SOX5: variants seen among roughly 807,000 people sequenced by gnomAD.
SOX5 encodes the protein transcription factor SOX-5.
Under a neutral mutation model 92.0 loss-of-function variants are expected in SOX5, and 9 were observed. The ratio of observed to expected loss-of-function variants is 0.10; its 90% CI spans 0.06 to 0.17. The LOEUF is 0.17. Ranked by LOEUF, SOX5 falls within the 10% of genes least tolerant of loss-of-function variation. The pLI is 1.00. For missense variants in SOX5, 642 were observed against 944.5 expected, an observed-to-expected ratio of 0.68 and a Z score of 4.20; for synonymous variants, 344 against 336.3, an observed-to-expected ratio of 1.02 and a Z score of -0.25.
intron 1 of SOX5, among the ~76,000 whole-genome samples, chr12:24,542,223 C>T (rs998312896): frequency 6.6e-6 from 1 of 152,138 alleles, no homozygotes; most frequent in Non-Finnish European, 1.5e-5. Flanking sequence ...CCTTAACAGT[C>T]CAAGCTTTAG....
chr12:23,950,862 C>A, upstream of SOX5: 1 of 1,535,112 alleles, frequency 6.5e-7, no homozygotes, highest in Non-Finnish European at 8.7e-7. Context: ...GAGAGAGAGA[C>A]ACTTACACAG....
chr12:23,886,047 C>T (rs939343152), intron 2 of SOX5, among the ~76,000 whole-genome samples: 15 of 152,082 alleles, frequency 9.9e-5, no homozygotes, highest in Non-Finnish European at 2.9e-5. Context: ...TAATGTACCA[C>T]CAATAGTGTC....
intron 1 of SOX5, among the ~76,000 whole-genome samples, chr12:24,469,508 C>T (rs1252212845): frequency 3.3e-5 from 5 of 152,162 alleles, no homozygotes; most frequent in East Asian, 1.9e-4. Context: ...TCTATATTCA[C>T]GACTTCCTAA....
At chr12:24,256,572 T>G (rs1453132119) in intron 3 of SOX5, among the ~76,000 whole-genome samples, 3 of 151,462 alleles carry the variant, frequency 2.0e-5, no homozygotes, top group Non-Finnish European at 4.4e-5. Context: ...CTATTAAGTT[T>G]TAAGTTACAC....
intron 9 of SOX5, among the ~76,000 whole-genome samples, chr12:23,577,371 T>C (rs1176556451): frequency 6.6e-6 from 1 of 151,412 alleles, no homozygotes. Flanking sequence ...GGCTAATTTT[T>C]GTATTTTTAG....
At chr12:24,382,454 T>C (rs1957928307) in intron 1 of SOX5, among the ~76,000 whole-genome samples, 1 of 150,870 alleles carries the variant, frequency 6.6e-6, no homozygotes, top group Non-Finnish European at 1.5e-5. Context: ...TGGAGGAAAA[T>C]GGCGGAAGGG....
At position 23,724,906 on chromosome 12, in the gene SOX5, G is replaced by A. The variant is rs180781415; in HGVS notation, c.810+9778C>T. Among the ~76,000 whole-genome samples, 22 of 152,278 alleles carry A rather than the reference G, an allele frequency of 1.4e-4. No homozygotes were observed. The East Asian group carries it at 3.7e-3, about 25-fold the overall frequency. On this transcript the variant is annotated intron_variant, in intron 6 of 14. Coordinates refer to ENST00000451604, the MANE Select transcript of SOX5 (RefSeq NM_006940.6). ...CTATGTGAAAAATCTACTTGGTGGG[G>A]TAAACAAAGGAAGTAGGGTGACCAA...
chr12:24,100,224 C>T (rs1270593886), intron 4 of SOX5, among the ~76,000 whole-genome samples: 1 of 152,026 alleles, frequency 6.6e-6, no homozygotes, highest in African/African-American at 2.4e-5. Context: ...CCAAATCTCC[C>T]ACTATTTTTT....
chr12:24,192,128 T>C (rs1956584591), intron 4 of SOX5, among the ~76,000 whole-genome samples: 1 of 152,186 alleles, frequency 6.6e-6, no homozygotes, highest in Admixed American at 6.5e-5. Context: ...ATCATTCCTA[T>C]TCACAATGCA....
chr12:23,569,889 T>C (rs1391812656), intron 10 of SOX5, among the ~76,000 whole-genome samples: 3 of 152,254 alleles, frequency 2.0e-5, no homozygotes. Flanking sequence ...TTGTCTTTCA[T>C]AGTGGTCTAT....
chr12:24,540,477 G>C (rs534966692), intron 1 of SOX5, among the ~76,000 whole-genome samples: 1 of 152,168 alleles, frequency 6.6e-6, no homozygotes, highest in East Asian at 1.9e-4. Context: ...ACATATGCAA[G>C]CACACACACT....
At chr12:23,602,227 G>T (rs1224022663) in intron 9 of SOX5, among the ~76,000 whole-genome samples, 1 of 152,150 alleles carries the variant, frequency 6.6e-6, no homozygotes, top group African/African-American at 2.4e-5. Context: ...GGATGTGGCA[G>T]ATTTCTGACA....
intron 2 of SOX5, among the ~76,000 whole-genome samples, chr12:24,358,085 G>A (rs1229703453): frequency 6.6e-6 from 1 of 152,124 alleles, no homozygotes; most frequent in Non-Finnish European, 1.5e-5. Context: ...AATATTTGTT[G>A]AATGGATGAG....
At chr12:24,065,064 C>T (rs1246000966) in intron 4 of SOX5, among the ~76,000 whole-genome samples, 1 of 152,148 alleles carries the variant, frequency 6.6e-6, no homozygotes, top group Non-Finnish European at 1.5e-5. Context: ...AGGCTTCCTA[C>T]TGAAGAATGG....
intron 4 of SOX5, among the ~76,000 whole-genome samples, chr12:24,163,258 A>C (rs1407531800): frequency 6.6e-6 from 1 of 152,170 alleles, no homozygotes; most frequent in African/African-American, 2.4e-5. Flanking sequence ...TAAAACAAAA[A>C]ACAAATCCCA....
At chr12:24,257,514 G>A (rs146654185) in intron 3 of SOX5, among the ~76,000 whole-genome samples, 4,670 of 152,034 alleles carry the variant, frequency 0.031, 245 homozygotes, top group African/African-American at 0.11. Flanking sequence ...TGTCGCCCAC[G>A]CTGGAGTGCA....
At chr12:24,343,797 G>C (rs1489444338) in intron 2 of SOX5, among the ~76,000 whole-genome samples, 2 of 152,150 alleles carry the variant, frequency 1.3e-5, no homozygotes, top group East Asian at 3.8e-4. Context: ...GAAGGACCAA[G>C]GCAGAAGTAG....
chr12:23,925,297 G>C (rs1939639393), intron 1 of SOX5, among the ~76,000 whole-genome samples: 1 of 152,084 alleles, frequency 6.6e-6, no homozygotes, highest in Non-Finnish European at 1.5e-5. Flanking sequence ...ACTGAATAGA[G>C]TTAATGTTAA....
intron 4 of SOX5, among the ~76,000 whole-genome samples, chr12:23,988,425 G>C (rs1483153125): frequency 6.6e-6 from 1 of 152,138 alleles, no homozygotes; most frequent in African/African-American, 2.4e-5. Flanking sequence ...AACATTATAG[G>C]GTTGGGATTT....
Sources: allele counts gnomAD v4.1 joint callset (sites outside exome capture counted in the v4.1 genomes callset), GRCh38; gene constraint gnomAD v4.1.1; transcripts MANE v1.5; gene names NCBI Gene and HGNC (gene_info 2026-07-23, HGNC 2026-07-21).